Variants in CTNND2 observed in about 807,000 individuals in gnomAD.
CTNND2 encodes catenin delta-2.
Under a neutral mutation model 144.4 loss-of-function variants are expected in CTNND2, and 22 were observed. The observed-to-expected ratio is 0.15, with a 90% confidence interval of 0.11 to 0.22. The LOEUF (loss-of-function observed/expected upper bound fraction) is 0.22. Ranked by LOEUF, CTNND2 falls within the 10% of genes least tolerant of loss-of-function variation. The probability of loss-of-function intolerance (pLI) is 1.00; values close to 1 mark genes in which losing one functional copy is unlikely to be tolerated. For synonymous variants in CTNND2, 751 were observed against 695.6 expected, an observed-to-expected ratio of 1.08 and a Z score of -1.25; for missense variants, 1,353 against 1,618.8, an observed-to-expected ratio of 0.84 and a Z score of 2.82.
At chr5:11,614,767 A>G (rs746322961) in intron 2 of CTNND2, among the ~76,000 whole-genome samples, 11 of 152,196 alleles carry the variant, frequency 7.2e-5, no homozygotes, top group Non-Finnish European at 1.3e-4. Flanking sequence ...GTGGGGTGGC[A>G]TAACATACAC....
intron 9 of CTNND2, among the ~76,000 whole-genome samples, chr5:11,276,872 G>C (rs143739746): frequency 0.017 from 2,531 of 152,262 alleles, 39 homozygotes; most frequent in Non-Finnish European, 0.025. Context: ...AGGAAAGCCA[G>C]GGGCCACTGG....
chr5:11,682,997 A>C (rs1474488217), intron 2 of CTNND2, among the ~76,000 whole-genome samples: 3 of 152,250 alleles, frequency 2.0e-5, no homozygotes, highest in Admixed American at 6.5e-5. Context: ...ATTGGAACAG[A>C]ATACATAGCC....
chr5:11,349,000 G>A (rs994194060), intron 8 of CTNND2, among the ~76,000 whole-genome samples: 7 of 152,148 alleles, frequency 4.6e-5, no homozygotes, highest in African/African-American at 1.7e-4. Context: ...CTCTTTTAGA[G>A]CTTGGTTTCT....
At chr5:11,273,629 G>C (rs26468) in intron 9 of CTNND2, among the ~76,000 whole-genome samples, 36,443 of 152,148 alleles carry the variant, frequency 0.24, 4,500 homozygotes, top group Admixed American at 0.28. Flanking sequence ...GGGAGACATT[G>C]TACTTAATAA....
intron 2 of CTNND2, among the ~76,000 whole-genome samples, chr5:11,710,619 C>A (rs939218717): frequency 1.3e-5 from 2 of 151,720 alleles, no homozygotes; most frequent in Non-Finnish European, 2.9e-5. Flanking sequence ...CTTTCTCCTT[C>A]GTTGGCCTAT....
intron 14 of CTNND2, among the ~76,000 whole-genome samples, chr5:11,099,323 C>T (rs1444764444): frequency 2.6e-5 from 4 of 152,162 alleles, no homozygotes; most frequent in African/African-American, 9.7e-5. Context: ...ACATGAGCTA[C>T]AGGCAAATCT....
chr5:11,301,466 G>A (rs931426514), intron 9 of CTNND2, among the ~76,000 whole-genome samples: 2 of 152,088 alleles, frequency 1.3e-5, no homozygotes, highest in African/African-American at 4.8e-5. Flanking sequence ...GTGCCATGAA[G>A]GAACTGTATC....
chr5:11,292,126 C>T (rs1220256220), intron 9 of CTNND2, among the ~76,000 whole-genome samples: 2 of 152,054 alleles, frequency 1.3e-5, no homozygotes, highest in African/African-American at 4.8e-5. Flanking sequence ...ATCTGCATTG[C>T]CATGTAATAA....
At chr5:11,015,064 T>A (rs148905397) in intron 18 of CTNND2, among the ~76,000 whole-genome samples, 81 of 152,350 alleles carry the variant, frequency 5.3e-4, no homozygotes, top group African/African-American at 1.9e-3. Flanking sequence ...TATGTTTTCC[T>A]TTGGAACGCT....
At chr5:11,496,966 A>G (rs1328743925) in intron 3 of CTNND2, among the ~76,000 whole-genome samples, 2 of 152,158 alleles carry the variant, frequency 1.3e-5, no homozygotes, top group South Asian at 2.1e-4. Flanking sequence ...TGATATCGGC[A>G]TATTACTGGG....
At chr5:11,793,208 A>G (rs138268699) in intron 1 of CTNND2, among the ~76,000 whole-genome samples, 286 of 152,262 alleles carry the variant, frequency 1.9e-3, no homozygotes, top group African/African-American at 6.4e-3. Flanking sequence ...CAACAGGTGG[A>G]TCTTTCCGAG....
At chr5:11,192,589 C>T (rs1736401604) in intron 11 of CTNND2, among the ~76,000 whole-genome samples, 2 of 152,020 alleles carry the variant, frequency 1.3e-5, no homozygotes, top group South Asian at 4.2e-4. Flanking sequence ...GAAAATGTGA[C>T]CATGGAGGAC....
chr5:11,767,660 C>T (rs1464026573), intron 1 of CTNND2, among the ~76,000 whole-genome samples: 1 of 152,136 alleles, frequency 6.6e-6, no homozygotes, highest in Non-Finnish European at 1.5e-5. Flanking sequence ...CCTATCAAGG[C>T]AGACTGGCAT....
At chr5:11,224,859 T>C (rs1324523902) in intron 10 of CTNND2, among the ~76,000 whole-genome samples, 3 of 152,254 alleles carry the variant, frequency 2.0e-5, no homozygotes, top group Non-Finnish European at 4.4e-5. Context: ...ATCCAATAAG[T>C]CACTTTGTTT....
intron 3 of CTNND2, among the ~76,000 whole-genome samples, chr5:11,425,188 C>T (rs755093685): frequency 1.3e-5 from 2 of 152,158 alleles, no homozygotes; most frequent in South Asian, 2.1e-4. Flanking sequence ...ATGCATACTA[C>T]GTGAGTTCAG....
At chr5:11,499,138 A>G (rs61757505) in intron 3 of CTNND2, among the ~76,000 whole-genome samples, 3,834 of 152,252 alleles carry the variant, frequency 0.025, 172 homozygotes, top group African/African-American at 0.087. Context: ...TCAAGTTTTG[A>G]GGGAATAAAC....
At chr5:11,600,526 T>G (rs1779732313) in intron 2 of CTNND2, among the ~76,000 whole-genome samples, 2 of 151,630 alleles carry the variant, frequency 1.3e-5, no homozygotes, top group African/African-American at 4.8e-5. Context: ...ACCAACATAG[T>G]GAAACCCCAT....
chr5:11,700,781 A>G (rs1785397548), intron 2 of CTNND2, among the ~76,000 whole-genome samples: 1 of 152,216 alleles, frequency 6.6e-6, no homozygotes, highest in Non-Finnish European at 1.5e-5. Context: ...AAAAGAAGAG[A>G]TAAGACCTTG....
At chr5:11,578,669 G>GACTAAATA (rs1554088051) in intron 2 of CTNND2, among the ~76,000 whole-genome samples, 3 of 146,006 alleles carry the variant, frequency 2.1e-5, no homozygotes, top group Non-Finnish European at 3.0e-5. Context: ...ACAAATACAT[G>GACTAAATA]AATAAATAAA....
Sources: allele counts gnomAD v4.1 joint callset (sites outside exome capture counted in the v4.1 genomes callset), GRCh38; gene constraint gnomAD v4.1.1; transcripts MANE v1.5; gene names NCBI Gene and HGNC (gene_info 2026-07-23, HGNC 2026-07-21).